The following SLC8A1 variants were observed in gnomAD, a reference collection of about 807,000 sequenced individuals.
SLC8A1 encodes the protein sodium/calcium exchanger 1.
SLC8A1 carries 18 observed loss-of-function variants against 68.3 expected under a neutral mutation model. That is an observed-to-expected ratio of 0.26 (90% CI 0.18 to 0.39). SLC8A1 has a LOEUF of 0.39. Ranked by LOEUF, SLC8A1 falls within the 10% of genes least tolerant of loss-of-function variation. The pLI is 1.00. For missense variants in SLC8A1, 985 were observed against 1,156.7 expected (o/e 0.85, Z 2.15); for synonymous variants, 475 against 415.5 (o/e 1.14, Z -1.74).
At chr2:40,226,595 T>C (rs977023434) in intron 2 of SLC8A1, among the ~76,000 whole-genome samples, 3 of 152,092 alleles carry the variant, frequency 2.0e-5, no homozygotes, top group African/African-American at 7.2e-5. Flanking sequence ...TTCTTCCACC[T>C]TGCTTCCCTC....
At chr2:40,118,158 A>G (rs543225896) in intron 7 of SLC8A1, among the ~76,000 whole-genome samples, 1 of 152,318 alleles carries the variant, frequency 6.6e-6, no homozygotes, top group East Asian at 1.9e-4. Context: ...CTCCTCTTTC[A>G]TGATATGAGA....
intron 2 of SLC8A1, among the ~76,000 whole-genome samples, chr2:40,215,240 A>T (rs1167688226): frequency 6.6e-6 from 1 of 152,058 alleles, no homozygotes; most frequent in Admixed American, 6.6e-5. Context: ...TTCATGGCTC[A>T]CTGCAACCTT....
At chr2:40,294,462 A>G (rs2069947624) in intron 2 of SLC8A1, among the ~76,000 whole-genome samples, 1 of 152,150 alleles carries the variant, frequency 6.6e-6, no homozygotes, top group African/African-American at 2.4e-5. Context: ...GACAGCCATT[A>G]AAAAATGAAG....
At position 40,327,802 on chromosome 2, in the gene SLC8A1, T is replaced by C. The variant is rs528530796; in HGVS notation, c.1808+100671A>G. Among the ~76,000 whole-genome samples the C allele has an allele frequency of 7.2e-5, 11 of 152,264 alleles. No individual in the cohort carries two copies. The South Asian group carries it at 2.3e-3, about 32-fold the overall frequency. ...CTGAACAACTACCTATTGGATACTA[T>C]GGTCCCTACCTGGGTGATGGGATCA... On this transcript the variant is annotated intron_variant, in intron 2 of 7. Transcript: ENST00000406785.
chr2:40,460,462 A>G (rs1234153971), intron 1 of SLC8A1, among the ~76,000 whole-genome samples: 8 of 152,188 alleles, frequency 5.3e-5, no homozygotes, highest in Non-Finnish European at 1.2e-4. Flanking sequence ...ATAGGGAGTG[A>G]CTACTCCATT....
chr2:40,398,572 A>G (rs1361208138), intron 2 of SLC8A1, among the ~76,000 whole-genome samples: 1 of 152,026 alleles, frequency 6.6e-6, no homozygotes, highest in Non-Finnish European at 1.5e-5. Context: ...TAAATTTCCT[A>G]CGTACATATT....
At chr2:40,333,792 G>C (rs1239788690) in intron 2 of SLC8A1, among the ~76,000 whole-genome samples, 1 of 151,974 alleles carries the variant, frequency 6.6e-6, no homozygotes, top group African/African-American at 2.4e-5. Context: ...GCTCACGCCA[G>C]TAATCCCAGC....
At chr2:40,443,486 C>T (rs1052678584) in intron 1 of SLC8A1, among the ~76,000 whole-genome samples, 1 of 152,148 alleles carries the variant, frequency 6.6e-6, no homozygotes, top group Admixed American at 6.5e-5. Flanking sequence ...AATTACCCTT[C>T]TCTGTAACAG....
chr2:40,182,718 AAAAG>A (rs2049860865), intron 2 of SLC8A1, among the ~76,000 whole-genome samples: 2 of 152,226 alleles, frequency 1.3e-5, no homozygotes, highest in Non-Finnish European at 2.9e-5. Context: ...AGACAGTCAG[AAAAG>A]AAAGAAAGAT....
At chr2:40,106,738 A>C (rs1443338856) in exon 8 of SLC8A1, 4 of 152,236 alleles carry the variant, frequency 2.6e-5, no homozygotes, top group Non-Finnish European at 5.9e-5. Context: ...ATATGATGTT[A>C]TCCTTTGCTT....
intron 2 of SLC8A1, among the ~76,000 whole-genome samples, chr2:40,232,615 T>TA (rs1254775960): frequency 7.6e-6 from 1 of 131,308 alleles, no homozygotes; most frequent in African/African-American, 3.0e-5. Flanking sequence ...TTTTTTTTTA[T>TA]ATACTTTAAG....
chr2:40,141,152 G>A (rs1196450024), intron 6 of SLC8A1, among the ~76,000 whole-genome samples: 4 of 152,184 alleles, frequency 2.6e-5, no homozygotes, highest in Admixed American at 2.0e-4. Flanking sequence ...GCCGGCAGTA[G>A]GTGGGGCTGC....
chr2:40,356,432 A>G (rs1672682900), intron 2 of SLC8A1, among the ~76,000 whole-genome samples: 1 of 152,326 alleles, frequency 6.6e-6, no homozygotes, highest in East Asian at 1.9e-4. Flanking sequence ...TAATGCATTT[A>G]TGATGCTTTA....
At chr2:40,210,387 G>C (rs2056365119) in intron 2 of SLC8A1, among the ~76,000 whole-genome samples, 1 of 152,282 alleles carries the variant, frequency 6.6e-6, no homozygotes, top group African/African-American at 2.4e-5. Context: ...TCTTCTACAA[G>C]TAGTGACTTC....
chr2:40,149,479 G>A (rs1289126853), intron 6 of SLC8A1, among the ~76,000 whole-genome samples: 1 of 152,198 alleles, frequency 6.6e-6, no homozygotes, highest in African/African-American at 2.4e-5. Context: ...TGTGAGCTAA[G>A]ACTTTAGTGA....
chr2:40,162,985 A>G (rs1054045850), intron 5 of SLC8A1, among the ~76,000 whole-genome samples: 5 of 152,210 alleles, frequency 3.3e-5, no homozygotes, highest in African/African-American at 1.2e-4. Context: ...CTTAAATAAT[A>G]TAAAATCTAG....
At chr2:40,381,919 T>G (rs1469976350) in intron 2 of SLC8A1, among the ~76,000 whole-genome samples, 2 of 151,944 alleles carry the variant, frequency 1.3e-5, no homozygotes, top group African/African-American at 4.8e-5. Context: ...TGTACTTACA[T>G]TTCTTCCCTG....
At chr2:40,483,876 C>T (rs1038134231) in intron 1 of SLC8A1, among the ~76,000 whole-genome samples, 2 of 152,168 alleles carry the variant, frequency 1.3e-5, no homozygotes, top group African/African-American at 4.8e-5. Context: ...TTATAAGCCA[C>T]TGTATCAGCC....
chr2:40,138,731 A>C (rs997579534), intron 7 of SLC8A1, among the ~76,000 whole-genome samples: 1 of 152,176 alleles, frequency 6.6e-6, no homozygotes, highest in African/African-American at 2.4e-5. Flanking sequence ...ATTGCTATCA[A>C]TGTTGTTTGG....
Sources: allele counts gnomAD v4.1 joint callset (sites outside exome capture counted in the v4.1 genomes callset), GRCh38; gene constraint gnomAD v4.1.1; transcripts MANE v1.5; gene names NCBI Gene and HGNC (gene_info 2026-07-23, HGNC 2026-07-21).